Variants in SYBU observed in about 807,000 individuals in gnomAD.
The protein encoded by SYBU is syntabulin, also known as GOLSYN A protein.
Under a neutral mutation model 35.9 loss-of-function variants are expected in SYBU, and 21 were observed. That is an observed-to-expected ratio of 0.58 (90% confidence interval 0.41 to 0.84). The LOEUF is 0.84. Ranked by LOEUF, SYBU falls within the 40% of genes least tolerant of loss-of-function variation. The pLI is 0.00. For missense variants in SYBU, 768 were observed against 848.2 expected (o/e 0.91, Z 1.17); for synonymous variants, 319 against 324.3 (o/e 0.98, Z 0.18).
intron 1 of SYBU, among the ~76,000 whole-genome samples, chr8:109,659,571 A>G (rs1281630071): frequency 1.3e-5 from 2 of 152,336 alleles, no homozygotes; most frequent in Non-Finnish European, 2.9e-5. Context: ...TTTCTTTTGT[A>G]CATAGAGAAC....
chr8:109,603,154 G>A (rs1279432727), intron 3 of SYBU, among the ~76,000 whole-genome samples: 7 of 152,230 alleles, frequency 4.6e-5, no homozygotes, highest in African/African-American at 7.2e-5. Context: ...GAGCTGGGGC[G>A]GAAGCCGACA....
intron 1 of SYBU, among the ~76,000 whole-genome samples, chr8:109,676,224 C>G (rs1270357757): frequency 6.6e-6 from 1 of 152,130 alleles, no homozygotes; most frequent in Non-Finnish European, 1.5e-5. Context: ...TGAAAACTAG[C>G]ACAAGACAAG....
chr8:109,612,647 C>T (rs990171978), intron 3 of SYBU, among the ~76,000 whole-genome samples: 7 of 152,222 alleles, frequency 4.6e-5, no homozygotes, highest in African/African-American at 1.7e-4. Flanking sequence ...GCACTAAGCG[C>T]TACAAGTGAT....
At chr8:109,616,693 A>G (rs1198754643) in intron 3 of SYBU, among the ~76,000 whole-genome samples, 1 of 146,742 alleles carries the variant, frequency 6.8e-6, no homozygotes, top group Non-Finnish European at 1.5e-5. Flanking sequence ...ATGATGAAAC[A>G]TACTTTTTTT....
Position 109,579,868 on chromosome 8 carries a change from T to A in SYBU, c.665A>T (p.Tyr222Phe). ...GCTACTGCTTGGGGAAGAAGGTGCA[T>A]AACTGGGATGGATATTGACAGGGCT... The part of the protein sequence containing the change: ...QLSPVNIHPS[Y>F]APSSPSSSNS... The change falls in exon 5 of 7, where the codon TAT becomes TTT. Residue 222 changes from tyrosine (Y) to phenylalanine (F), a missense_variant. Physicochemically the swap from Tyr to Phe is conservative, Grantham distance 22. Coordinates refer to ENST00000276646, the MANE Select transcript of SYBU (RefSeq NM_001099754.2). 19 of 1,612,198 alleles carry A rather than the reference T, an allele frequency of 1.2e-5. No individual in the cohort carries two copies. Among genetic ancestry groups the A allele is most frequent in the Non-Finnish European group, 1.5e-5 (18 of 1,179,102 alleles).
chr8:109,614,398 G>T (rs557282076), intron 3 of SYBU, among the ~76,000 whole-genome samples: 1 of 152,292 alleles, frequency 6.6e-6, no homozygotes, highest in East Asian at 1.9e-4. Context: ...AACTAAATAC[G>T]GGAGGAGCAC....
Position 109,619,010 on chromosome 8 carries a change from C to G in SYBU, c.259G>C (p.Val87Leu). Residue 87 changes from valine (V) to leucine (L), a missense_variant, in exon 3 of 7, where the codon GTG (valine) becomes CTG (leucine). Physicochemically the swap from Val to Leu is conservative, Grantham distance 32. Transcript: ENST00000276646. Reference sequence around the variant, plus strand: ...TCTGAGGGTGTCTTCACAGGAGACACTGACTGGCTGCTAGGACAGCCTGTG... The same window carrying G: ...TCTGAGGGTGTCTTCACAGGAGACAGTGACTGGCTGCTAGGACAGCCTGTG... ...DDTGCPSSQSVSPVKTPSDAG... is the reference protein window; with the variant it reads ...DDTGCPSSQSLSPVKTPSDAG... 1 of 1,614,104 alleles carries G rather than the reference C, an allele frequency of 6.2e-7. No homozygotes were observed. The highest frequency in any genetic ancestry group is 8.5e-7 in the Non-Finnish European group (1 of 1,179,966).
rs529533075 is a variant in SYBU at position 109,613,198 on chromosome 8, G to T, written c.427+5644C>A. ...TGACATGGGATAACATAACCTGCTA[G>T]ATTTTTGTTCCAAGTACATGCAAAT... is the stretch of plus-strand genomic sequence containing the variant. On this transcript the variant is annotated intron_variant, in intron 3 of 6. Coordinates refer to ENST00000276646, the MANE Select transcript of SYBU (RefSeq NM_001099754.2). 2.3e-3 allele frequency among the ~76,000 whole-genome samples: 350 copies of T among 152,202 alleles called. 1 individual carries two copies. Among genetic ancestry groups the T allele is most frequent in the African/African-American group, 7.8e-3 (325 of 41,516 alleles).
intron 1 of SYBU, among the ~76,000 whole-genome samples, chr8:109,650,732 A>G (rs961732763): frequency 3.1e-4 from 47 of 152,322 alleles, no homozygotes; most frequent in African/African-American, 1.1e-3. Flanking sequence ...AATCTGGCCT[A>G]TGTAGTTTCA....
At chr8:109,596,993 A>T (rs1824951384) in intron 3 of SYBU, among the ~76,000 whole-genome samples, 1 of 152,184 alleles carries the variant, frequency 6.6e-6, no homozygotes, top group Non-Finnish European at 1.5e-5. Context: ...TAAAAGTAAA[A>T]CTAGAATCTC....
At position 109,644,760 on chromosome 8, in the gene SYBU, TGC is replaced by T; in HGVS notation, c.-103_-102del. 1 of 1,189,318 alleles carries T rather than the reference TGC, an allele frequency of 8.4e-7. No individual in the cohort carries two copies. The highest frequency in any genetic ancestry group is 3.3e-5 in the East Asian group (1 of 30,728). 73.7% of individuals were successfully genotyped at this position (1,189,318 alleles called of 1,614,324 possible). ...GAGACTGCGCTGAGCCGGCGCGGGC[TGC>T]GGGCGGCGGCTCTTGGTGAGGCTCC... On this transcript the variant is annotated 5_prime_UTR_variant, in exon 1 of 7. Coordinates refer to ENST00000276646, the MANE Select transcript of SYBU (RefSeq NM_001099754.2).
chr8:109,672,932 G>A (rs1421445239), intron 1 of SYBU, among the ~76,000 whole-genome samples: 2 of 152,220 alleles, frequency 1.3e-5, no homozygotes, highest in East Asian at 3.9e-4. Flanking sequence ...TGGACTGGGT[G>A]GAGCCCACCA....
chr8:109,581,561 A>G (rs1212717936), intron 4 of SYBU, among the ~76,000 whole-genome samples: 1 of 152,240 alleles, frequency 6.6e-6, no homozygotes, highest in Non-Finnish European at 1.5e-5. Flanking sequence ...TTACTTAAAC[A>G]GGATAAAGTT....
rs1471809208 is a variant in SYBU at position 109,574,816 on chromosome 8, T to C, written c.*90A>G. On this transcript the variant is annotated 3_prime_UTR_variant, in exon 7 of 7. Coordinates refer to ENST00000276646, the MANE Select transcript of SYBU (RefSeq NM_001099754.2). ...AATACCAAGGAGCAAAACGACAGAA[T>C]AGAGACTGTCACAGATGATTGACTT... 14 of 1,390,618 alleles carry C rather than the reference T, an allele frequency of 1.0e-5. No homozygotes were observed. The highest frequency in any genetic ancestry group is 1.4e-5 in the Non-Finnish European group (14 of 1,033,650). The allele number at this position is 1,390,618 out of a possible 1,614,324, so 86.1% of individuals were successfully genotyped here.
intron 1 of SYBU, among the ~76,000 whole-genome samples, chr8:109,667,752 CAA>C: frequency 6.6e-6 from 1 of 152,284 alleles, no homozygotes; most frequent in African/African-American, 2.4e-5. Flanking sequence ...CTCAGCATCC[CAA>C]AGTGTTGGGA....
intron 3 of SYBU, among the ~76,000 whole-genome samples, chr8:109,612,895 G>A (rs2130263154): frequency 6.6e-6 from 1 of 151,304 alleles, no homozygotes; most frequent in Middle Eastern, 3.4e-3. Flanking sequence ...AGGGAGAATT[G>A]CTTGAACCTG....
chr8:109,609,778 T>C (rs1291147169), intron 3 of SYBU, among the ~76,000 whole-genome samples: 1 of 152,076 alleles, frequency 6.6e-6, no homozygotes, highest in Non-Finnish European at 1.5e-5. Context: ...AAATAATAAA[T>C]AATTAAAACA....
intron 4 of SYBU, chr8:109,585,753 A>T: frequency 3.9e-6 from 1 of 253,704 alleles, no homozygotes; most frequent in Non-Finnish European, 7.6e-6. Context: ...GGAGACCACT[A>T]GCTTCCTATG....
At chr8:109,664,533 T>C (rs1816689609) in intron 1 of SYBU, among the ~76,000 whole-genome samples, 1 of 152,170 alleles carries the variant, frequency 6.6e-6, no homozygotes, top group African/African-American at 2.4e-5. Context: ...AAAGCTACTT[T>C]TTTTTCTCAG....
Sources: allele counts gnomAD v4.1 joint callset (sites outside exome capture counted in the v4.1 genomes callset), GRCh38; gene constraint gnomAD v4.1.1; transcripts MANE v1.5; gene names NCBI Gene and HGNC (gene_info 2026-07-23, HGNC 2026-07-21).